The following KCTD8 variants were observed in gnomAD, a reference collection of about 807,000 sequenced individuals.
KCTD8 encodes potassium channel tetramerization domain containing 8.
In KCTD8, 27 loss-of-function variants were observed where a neutral mutation model predicts 31.5. That is an observed-to-expected ratio of 0.86 (90% CI 0.63 to 1.18). The LOEUF is 1.18. KCTD8 is among the 50% of genes most tolerant of loss of function. The probability of loss-of-function intolerance (pLI) is 0.00; values close to 1 mark genes in which losing one functional copy is unlikely to be tolerated. For missense variants in KCTD8, 658 were observed against 647.7 expected (o/e 1.02, Z -0.17); for synonymous variants, 290 against 280.0 (o/e 1.04, Z -0.36).
chr4:44,341,874 A>T (rs969672221), intron 1 of KCTD8, among the ~76,000 whole-genome samples: 3 of 152,144 alleles, frequency 2.0e-5, no homozygotes, highest in Non-Finnish European at 4.4e-5. Flanking sequence ...GAAGACTGTA[A>T]ATTTACTTTA....
intron 1 of KCTD8, among the ~76,000 whole-genome samples, chr4:44,447,197 G>C (rs1721963881): frequency 6.6e-6 from 1 of 152,244 alleles, no homozygotes; most frequent in Non-Finnish European, 1.5e-5. Flanking sequence ...AAGGGGTGGA[G>C]GAGGGTCTAT....
Position 44,447,874 on chromosome 4 carries a change from T to G in KCTD8, c.650A>C (p.Tyr217Ser). The change falls in exon 1 of 2, where the codon TAC becomes TCC. Residue 217 changes from tyrosine to serine, a missense_variant. By Grantham distance (144) the Tyr-to-Ser change is moderately radical. Coordinates refer to ENST00000360029, the MANE Select transcript of KCTD8 (RefSeq NM_198353.3). ...GFLTLGYRGS[Y>S]TTVRDNQADA... ...GGCCTGGTTGTCGCGCACGGTGGTG[T>G]AGGAGCCCCGGTAGCCCAGCGTGAG... The G allele has an allele frequency of 2.6e-6, 4 of 1,557,780 alleles. No individual in the cohort carries two copies. The highest frequency in any genetic ancestry group is 3.5e-6 in the Non-Finnish European group (4 of 1,149,702).
intron 1 of KCTD8, among the ~76,000 whole-genome samples, chr4:44,254,185 T>TA (rs1003144121): frequency 1.3e-5 from 2 of 151,832 alleles, no homozygotes; most frequent in Non-Finnish European, 2.9e-5. Flanking sequence ...AGAGATTAGT[T>TA]AAAAAAAGTG....
intron 1 of KCTD8, among the ~76,000 whole-genome samples, chr4:44,275,704 C>T (rs1245376976): frequency 6.6e-6 from 1 of 151,970 alleles, no homozygotes; most frequent in Non-Finnish European, 1.5e-5. Context: ...TCTTGTACAT[C>T]GTGGTGGGAC....
chr4:44,422,416 T>C (rs1247530583), intron 1 of KCTD8, among the ~76,000 whole-genome samples: 1 of 152,054 alleles, frequency 6.6e-6, no homozygotes, highest in Non-Finnish European at 1.5e-5. Context: ...AGGAAGAATC[T>C]ATATTAGAAT....
chr4:44,278,378 GGC>G (rs2109377012), intron 1 of KCTD8, among the ~76,000 whole-genome samples: 1 of 151,850 alleles, frequency 6.6e-6, no homozygotes, highest in African/African-American at 2.4e-5. Context: ...CTATTCCTGT[GGC>G]AGGAAAAGAA....
intron 1 of KCTD8, among the ~76,000 whole-genome samples, chr4:44,446,607 G>T (rs1165289761): frequency 6.6e-6 from 1 of 151,868 alleles, no homozygotes; most frequent in East Asian, 1.9e-4. Flanking sequence ...CACATAGCCC[G>T]CTCCGGAAGC....
At chr4:44,176,565 C>A (rs1481048579) in intron 1 of KCTD8, among the ~76,000 whole-genome samples, 1 of 152,110 alleles carries the variant, frequency 6.6e-6, no homozygotes, top group Non-Finnish European at 1.5e-5. Context: ...CTCCTATGTG[C>A]AACACTGCTG....
intron 1 of KCTD8, among the ~76,000 whole-genome samples, chr4:44,435,489 A>G (rs887729536): frequency 2.0e-5 from 3 of 151,848 alleles, no homozygotes; most frequent in African/African-American, 4.8e-5. Context: ...GGTATTTTTT[A>G]TTATCCAAAC....
At chr4:44,307,854 C>A (rs1015761400) in intron 1 of KCTD8, among the ~76,000 whole-genome samples, 1 of 151,878 alleles carries the variant, frequency 6.6e-6, no homozygotes, top group Non-Finnish European at 1.5e-5. Context: ...TAAATAAAAT[C>A]TCTGGTCAAA....
chr4:44,301,831 T>G (rs1272139185), intron 1 of KCTD8, among the ~76,000 whole-genome samples: 1 of 152,232 alleles, frequency 6.6e-6, no homozygotes, highest in Non-Finnish European at 1.5e-5. Context: ...GGTTTTCTTC[T>G]AGGGTTTCTA....
intron 1 of KCTD8, among the ~76,000 whole-genome samples, chr4:44,205,907 T>C (rs2109341347): frequency 6.6e-6 from 1 of 152,248 alleles, no homozygotes; most frequent in Middle Eastern, 3.4e-3. Flanking sequence ...TGGAATGCTG[T>C]CCCCTCTAAA....
At chr4:44,365,870 G>A (rs569458503) in intron 1 of KCTD8, among the ~76,000 whole-genome samples, 6 of 152,198 alleles carry the variant, frequency 3.9e-5, no homozygotes, top group South Asian at 4.1e-4. Flanking sequence ...TAACACACAT[G>A]TCCATCAAAG....
intron 1 of KCTD8, among the ~76,000 whole-genome samples, chr4:44,429,420 A>G (rs1721419099): frequency 6.6e-6 from 1 of 151,826 alleles, no homozygotes; most frequent in African/African-American, 2.4e-5. Flanking sequence ...AAGCAAGGAA[A>G]GAAGTACCTA....
intron 1 of KCTD8, among the ~76,000 whole-genome samples, chr4:44,281,097 T>C (rs1716892413): frequency 6.9e-6 from 1 of 144,486 alleles, no homozygotes; most frequent in African/African-American, 2.6e-5. Context: ...TTGCTGAAAG[T>C]GGTATGACTT....
rs77679014 is a variant in KCTD8, at chr4:44,387,272, A to T, written c.961+60291T>A. Among the ~76,000 whole-genome samples the T allele has an allele frequency of 7.2e-3, 1,100 of 152,056 alleles. 15 individuals carry two copies. The highest frequency in any genetic ancestry group is 0.025 in the African/African-American group (1,029 of 41,540). On this transcript the variant is annotated intron_variant, in intron 1 of 1. Transcript: ENST00000360029. Reference sequence around the variant, plus strand: ...TCAATGCTCAGGGATACGAAGAACCAGCTTTGTTAAAATGTCCATACTGCC... The same window carrying T: ...TCAATGCTCAGGGATACGAAGAACCTGCTTTGTTAAAATGTCCATACTGCC...
chr4:44,439,971 T>C (rs13150319), intron 1 of KCTD8, among the ~76,000 whole-genome samples: 127,827 of 151,332 alleles, frequency 0.84, 54,169 homozygotes, highest in South Asian at 0.9. Context: ...TCACTCTGTT[T>C]CCCAGGCTGG....
At chr4:44,185,601 G>A (rs1247483501) in intron 1 of KCTD8, among the ~76,000 whole-genome samples, 3 of 152,092 alleles carry the variant, frequency 2.0e-5, no homozygotes, top group East Asian at 1.9e-4. Context: ...TGAATGCCTC[G>A]CTCTACCAAT....
At chr4:44,209,803 T>A (rs1223919566) in intron 1 of KCTD8, among the ~76,000 whole-genome samples, 1 of 152,020 alleles carries the variant, frequency 6.6e-6, no homozygotes, top group East Asian at 1.9e-4. Context: ...TACAATAAAA[T>A]TTAAGATTGT....
Sources: gnomAD v4.1 joint callset for allele counts (sites outside exome capture counted in the v4.1 genomes callset) on GRCh38, gnomAD v4.1.1 for gene constraint, MANE v1.5 for transcripts, NCBI Gene and HGNC (gene_info 2026-07-23, HGNC 2026-07-21) for gene names.